The following ARHGAP35 variants were observed in gnomAD, a reference collection of about 807,000 sequenced individuals.
ARHGAP35 encodes Rho GTPase activating protein 35.
ARHGAP35 carries 15 observed loss-of-function variants against 111.1 expected under a neutral mutation model. The ratio of observed to expected loss-of-function variants is 0.13; its 90% CI spans 0.09 to 0.21. The LOEUF (loss-of-function observed/expected upper bound fraction) is 0.21. Ranked by LOEUF, ARHGAP35 falls within the 10% of genes least tolerant of loss-of-function variation. The probability of loss-of-function intolerance (pLI) is 1.00; values close to 1 mark genes in which losing one functional copy is unlikely to be tolerated. For missense variants in ARHGAP35, 1,262 were observed against 1,873.0 expected (o/e 0.67, Z 6.02); for synonymous variants, 643 against 710.3 (o/e 0.91, Z 1.51).
intron 1 of ARHGAP35, among the ~76,000 whole-genome samples, chr19:46,917,663 A>C (rs542206970): frequency 6.6e-6 from 1 of 152,090 alleles, no homozygotes; most frequent in Admixed American, 6.6e-5. Context: ...TATATATCAC[A>C]TTTTGCTTAT....
chr19:46,887,724 C>T (rs572213613), intron 1 of ARHGAP35, among the ~76,000 whole-genome samples: 2 of 152,142 alleles, frequency 1.3e-5, no homozygotes, highest in Non-Finnish European at 2.9e-5. Flanking sequence ...ATACACTTCT[C>T]ATCGGGGTAT....
At chr19:46,934,922 C>T (rs2056297302) in intron 2 of ARHGAP35, among the ~76,000 whole-genome samples, 1 of 152,218 alleles carries the variant, frequency 6.6e-6, no homozygotes, top group African/African-American at 2.4e-5. Context: ...ATTTGCCCAC[C>T]TCAGCCTCCC....
rs1460637258 is a variant in ARHGAP35, at chr19:46,999,499, C to A, written c.4142+90C>A. On this transcript the variant is annotated intron_variant, in intron 6 of 6. Transcript: ENST00000672722. The surrounding 1 kb of genome is among the most constrained non-coding windows in gnomAD (Gnocchi z 5.4). ...GCAGAACAAGGCTCTGTCCACAAGC[C>A]AGTAGAAGCCTCAGGCCCTGGCCTG... The A allele has an allele frequency of 1.1e-6, 1 of 883,816 alleles. No individual in the cohort carries two copies. The highest frequency in any genetic ancestry group is 1.8e-6 in the Non-Finnish European group (1 of 563,282). 54.7% of individuals were successfully genotyped at this position (883,816 alleles called of 1,614,324 possible). A position where few individuals can be genotyped will look rare whatever the true frequency, so the allele number is the denominator to read the frequency against.
chr19:46,892,541 TC>T, intron 1 of ARHGAP35, among the ~76,000 whole-genome samples: 1 of 151,508 alleles, frequency 6.6e-6, no homozygotes, highest in South Asian at 2.1e-4. Flanking sequence ...GTACCTTTGA[TC>T]CTGAAATTGT....
At chr19:46,940,359 C>CAA (rs529022109) in intron 3 of ARHGAP35, among the ~76,000 whole-genome samples, 2 of 114,052 alleles carry the variant, frequency 1.8e-5, no homozygotes, top group Admixed American at 9.2e-5. Flanking sequence ...AACTGTGTCT[C>CAA]AAAAAAAAAA....
chr19:46,957,549 G>T (rs986741685), intron 3 of ARHGAP35, among the ~76,000 whole-genome samples: 2 of 152,086 alleles, frequency 1.3e-5, no homozygotes, highest in African/African-American at 4.8e-5. Flanking sequence ...GGAGCTCAAG[G>T]CTTCAGTGAG....
chr19:46,899,376 A>C (rs1280656245), intron 1 of ARHGAP35, among the ~76,000 whole-genome samples: 1 of 152,096 alleles, frequency 6.6e-6, no homozygotes, highest in African/African-American at 2.4e-5. Flanking sequence ...AATTGGATTG[A>C]GATTGTGGTA....
intron 2 of ARHGAP35, among the ~76,000 whole-genome samples, chr19:46,923,934 G>C (rs750480612): frequency 1.7e-4 from 26 of 150,088 alleles, no homozygotes; most frequent in Non-Finnish European, 3.3e-4. Flanking sequence ...AAAAAAAAAG[G>C]AAAAAGGAAA....
At chr19:46,923,929 A>T (rs1442167352) in intron 2 of ARHGAP35, among the ~76,000 whole-genome samples, 1 of 151,850 alleles carries the variant, frequency 6.6e-6, no homozygotes, top group Non-Finnish European at 1.5e-5. Context: ...TCAAAAAAAA[A>T]AAAGGAAAAA....
intron 3 of ARHGAP35, among the ~76,000 whole-genome samples, chr19:46,960,463 A>G (rs1400385490): frequency 1.3e-5 from 2 of 152,186 alleles, no homozygotes; most frequent in African/African-American, 2.4e-5. Context: ...GAAGAATTTC[A>G]TAGGTTTTCA....
intron 2 of ARHGAP35, 58 bp from the exon 3 acceptor site, chr19:46,937,206 T>C: frequency 3.1e-6 from 5 of 1,598,414 alleles, no homozygotes; most frequent in Non-Finnish European, 4.3e-6. Context: ...TACTGATGTT[T>C]AAGTTACATG....
chr19:46,926,252 T>C lies in ARHGAP35; in HGVS notation c.3681+3896T>C, dbSNP rs2056237324. ...CTCATGAAAGTGCAGACTGTAAAGC[T>C]GACTCTCATTCTGGGTGCTTTTCCC... is the stretch of plus-strand genomic sequence containing the variant. On this transcript the variant is annotated intron_variant, in intron 2 of 6. Coordinates refer to ENST00000672722, the MANE Select transcript of ARHGAP35 (RefSeq NM_004491.5). This position sits in a 1 kb window ranked among gnomAD's most constrained non-coding sequence, Gnocchi z 4.1. Among the ~76,000 whole-genome samples, 1 of 152,246 alleles carries C rather than the reference T, an allele frequency of 6.6e-6. No individual in the cohort carries two copies. Among genetic ancestry groups the C allele is most frequent in the South Asian group, 2.1e-4 (1 of 4,836 alleles).
chr19:46,987,902 C>A, intron 3 of ARHGAP35, 87 bp from the exon 4 acceptor site: 1 of 1,361,710 alleles, frequency 7.3e-7, no homozygotes, highest in Non-Finnish European at 1.0e-6. Context: ...TGGACTTTCC[C>A]TGGCTTTCTC....
intron 1 of ARHGAP35, among the ~76,000 whole-genome samples, chr19:46,884,870 C>A (rs918014007): frequency 6.6e-6 from 1 of 152,110 alleles, no homozygotes; most frequent in East Asian, 1.9e-4. Context: ...TGCGCACCCA[C>A]CATGCCTGGC....
At chr19:46,943,832 G>T (rs531770426) in intron 3 of ARHGAP35, among the ~76,000 whole-genome samples, 8 of 152,144 alleles carry the variant, frequency 5.3e-5, no homozygotes, top group African/African-American at 9.7e-5. Flanking sequence ...AATTTATGCC[G>T]CAGGGCCTTT....
chr19:46,995,376 G>A (rs1385062968), intron 5 of ARHGAP35, among the ~76,000 whole-genome samples: 3 of 152,222 alleles, frequency 2.0e-5, no homozygotes, highest in Non-Finnish European at 4.4e-5. Context: ...ACTCCAGCCT[G>A]GGCAATACAG....
At chr19:46,942,400 G>A (rs1437892396) in intron 3 of ARHGAP35, among the ~76,000 whole-genome samples, 3 of 152,058 alleles carry the variant, frequency 2.0e-5, no homozygotes, top group Non-Finnish European at 2.9e-5. Flanking sequence ...TTGGGAGGCC[G>A]AGGTGGGTGA....
chr19:46,918,562 G>T lies in ARHGAP35; in HGVS notation c.-114G>T. 2 of 996,740 alleles carry T rather than the reference G, an allele frequency of 2.0e-6. No homozygotes were observed. Among genetic ancestry groups the T allele is most frequent in the South Asian group, 1.5e-5 (1 of 64,896 alleles). The allele number at this position is 996,740 out of a possible 1,614,324, so 61.7% of individuals were successfully genotyped here. ...CTGGTATACAACACTATGGGACCTG[G>T]CATTTTTGCTGCATGTCCAGCCCAC... is the stretch of plus-strand genomic sequence containing the variant. On this transcript the variant is annotated 5_prime_UTR_variant, in exon 2 of 7. Transcript: ENST00000672722. The surrounding 1 kb of genome is among the most constrained non-coding windows in gnomAD (Gnocchi z 5.4).
intron 1 of ARHGAP35, among the ~76,000 whole-genome samples, chr19:46,910,425 G>C (rs1477062345): frequency 6.6e-6 from 1 of 151,710 alleles, no homozygotes; most frequent in African/African-American, 2.4e-5. Context: ...TGAGTAGCTA[G>C]GATTACATGG....
Sources: gnomAD v4.1 joint callset for allele counts (sites outside exome capture counted in the v4.1 genomes callset) on GRCh38, gnomAD v4.1.1 for gene constraint, Gnocchi (gnomAD v3.1) non-coding constraint, MANE v1.5 for transcripts, NCBI Gene and HGNC (gene_info 2026-07-23, HGNC 2026-07-21) for gene names.